Variants in RDX observed in about 807,000 individuals in gnomAD.
The protein encoded by RDX is deafness, autosomal recessive 24.
In RDX, 32 loss-of-function variants were observed where a neutral mutation model predicts 83.7. That is an observed-to-expected ratio of 0.38 (90% CI 0.29 to 0.51). The LOEUF is 0.51. Among genes scored for constraint, RDX ranks in the 20% least tolerant of loss-of-function variants. The probability of loss-of-function intolerance (pLI) is 0.87; values close to 1 mark genes in which losing one functional copy is unlikely to be tolerated. For missense variants in RDX, 600 were observed against 689.9 expected, an observed-to-expected ratio of 0.87 and a Z score of 1.46; for synonymous variants, 229 against 222.7, an observed-to-expected ratio of 1.03 and a Z score of -0.25.
intron 9 of RDX, among the ~76,000 whole-genome samples, chr11:110,251,213 TAAATC>T (rs1351930141): frequency 1.3e-5 from 2 of 152,226 alleles, no homozygotes; most frequent in Non-Finnish European, 2.9e-5. Context: ...TTCAAGGACA[TAAATC>T]ACATTAATAA....
At chr11:110,228,105 G>C (rs1171465394), downstream of RDX, among the ~76,000 whole-genome samples, 1 of 151,990 alleles carries the variant, frequency 6.6e-6, no homozygotes, top group Admixed American at 6.6e-5. Context: ...CATGGACATA[G>C]TAAGAAGTAG....
chr11:110,254,216 A>G (rs1195318455), intron 8 of RDX, 107 bp from the exon 9 acceptor site: 5 of 885,912 alleles, frequency 5.6e-6, no homozygotes, highest in Non-Finnish European at 8.9e-6. Context: ...GTCATATTAC[A>G]TATAGTTTAG....
chr11:110,267,140 G>A (rs1196309839), intron 3 of RDX, among the ~76,000 whole-genome samples: 2 of 152,134 alleles, frequency 1.3e-5, no homozygotes, highest in African/African-American at 2.4e-5. Context: ...CTGAGCTCAA[G>A]GGATCTGCCC....
chr11:110,231,865 G>GCT lies in RDX; in HGVS notation c.*2_*3dup, dbSNP rs1409799137. On this transcript the variant is annotated 3_prime_UTR_variant, in exon 14 of 14. Transcript: ENST00000645495. The stretch of plus-strand genomic sequence containing the variant: ...TGAAGAACATATATGCAAAATAACA[G>GCT]CTCTCACATTGCTTCAAACTCATCG... 3 of 1,611,988 alleles carry GCT rather than the reference G, an allele frequency of 1.9e-6. No individual in the cohort carries two copies. Among genetic ancestry groups the GCT allele is most frequent in the Middle Eastern group, 4.3e-4 (2 of 4,646 alleles).
intron 1 of RDX, among the ~76,000 whole-genome samples, chr11:110,294,755 T>G (rs1861378645): frequency 6.6e-6 from 1 of 152,194 alleles, no homozygotes; most frequent in South Asian, 2.1e-4. Context: ...TCAACGTATT[T>G]TCCCTACACC....
At chr11:110,262,916 T>G (rs1387740079) in intron 5 of RDX, among the ~76,000 whole-genome samples, 1 of 152,148 alleles carries the variant, frequency 6.6e-6, no homozygotes, top group South Asian at 2.1e-4. Flanking sequence ...AGCAGTACAC[T>G]GTAGATAAGA....
In RDX at chr11:110,250,241, G is replaced by A. The variant is rs906045656; in HGVS notation, c.960-2408C>T. ...GTTCTTTAGATAGCTGAAACATCAC[G>A]CTTTGTGTGAAAGCAAAAGAAGCAA... On this transcript the variant is annotated intron_variant, in intron 9 of 13. Coordinates refer to ENST00000645495, the MANE Select transcript of RDX (RefSeq NM_002906.4). 7.9e-5 allele frequency among the ~76,000 whole-genome samples: 12 copies of A among 152,114 alleles called. No individual in the cohort carries two copies. In the East Asian group the frequency reaches 1.7e-3, roughly 22 times the overall value.
chr11:110,282,281 T>C (rs1329950290), intron 1 of RDX, among the ~76,000 whole-genome samples: 1 of 152,200 alleles, frequency 6.6e-6, no homozygotes, highest in Non-Finnish European at 1.5e-5. Flanking sequence ...GAATCAGTAA[T>C]ACAATCACTA....
chr11:110,276,318 G>A (rs1226272995), intron 2 of RDX, among the ~76,000 whole-genome samples: 1 of 152,016 alleles, frequency 6.6e-6, no homozygotes, highest in Non-Finnish European at 1.5e-5. Context: ...CACAAATCAA[G>A]TATCTGCATA....
intron 14 of RDX, among the ~76,000 whole-genome samples, chr11:110,214,942 G>A (rs1863978881): frequency 6.9e-6 from 1 of 145,338 alleles, no homozygotes; most frequent in Non-Finnish European, 1.5e-5. Flanking sequence ...GTATACATAT[G>A]TAACTAACCT....
intron 1 of RDX, among the ~76,000 whole-genome samples, chr11:110,289,286 T>C (rs1008738671): frequency 3.4e-5 from 5 of 148,194 alleles, no homozygotes; most frequent in African/African-American, 1.2e-4. Context: ...GCCTCCCAAA[T>C]TCAAGCCTTA....
At chr11:110,220,478 C>T (rs528259525) in intron 14 of RDX, among the ~76,000 whole-genome samples, 2 of 152,220 alleles carry the variant, frequency 1.3e-5, no homozygotes, top group South Asian at 4.1e-4. Flanking sequence ...CATGCAATTA[C>T]CTCAACATCA....
chr11:110,236,431 A>C (rs1281057971), intron 11 of RDX: 1 of 409,086 alleles, frequency 2.4e-6, no homozygotes, highest in African/African-American at 2.0e-5. Context: ...TCCTGCTTTC[A>C]GTAGCAGGAA....
At chr11:110,262,441 C>T (rs1859842810) in intron 5 of RDX, among the ~76,000 whole-genome samples, 3 of 151,816 alleles carry the variant, frequency 2.0e-5, no homozygotes, top group African/African-American at 4.8e-5. Flanking sequence ...AAAAATTAGC[C>T]AGGTGTGGTT....
At chr11:110,288,963 C>T (rs953274946) in intron 1 of RDX, among the ~76,000 whole-genome samples, 10 of 152,210 alleles carry the variant, frequency 6.6e-5, no homozygotes, top group Admixed American at 2.0e-4. Context: ...TACAGCTGGG[C>T]GTGGTGGCTC....
At chr11:110,256,258 T>A (rs1223292497) in intron 7 of RDX, among the ~76,000 whole-genome samples, 1 of 152,128 alleles carries the variant, frequency 6.6e-6, no homozygotes, top group Non-Finnish European at 1.5e-5. Flanking sequence ...TATATTCCTT[T>A]TAGTTCTCAA....
chr11:110,254,178 A>T, intron 8 of RDX, 69 bp from the exon 9 acceptor site: 1 of 1,311,782 alleles, frequency 7.6e-7, no homozygotes. Flanking sequence ...ATCTGTACTA[A>T]ATTTTAACAT....
chr11:110,253,590 T>C (rs1859424294), intron 9 of RDX, among the ~76,000 whole-genome samples: 1 of 152,152 alleles, frequency 6.6e-6, no homozygotes, highest in South Asian at 2.1e-4. Flanking sequence ...GTCACTGACA[T>C]TGTTTCAAAG....
chr11:110,277,774 T>C (rs1334744958), intron 2 of RDX, among the ~76,000 whole-genome samples: 2 of 152,348 alleles, frequency 1.3e-5, no homozygotes, highest in African/African-American at 2.4e-5. Context: ...TATGTTTTTA[T>C]TGCTGTCTTT....
Sources: gnomAD v4.1 joint callset for allele counts (sites outside exome capture counted in the v4.1 genomes callset) on GRCh38, gnomAD v4.1.1 for gene constraint, MANE v1.5 for transcripts, NCBI Gene and HGNC (gene_info 2026-07-23, HGNC 2026-07-21) for gene names.